The following MEGF10 variants were observed in gnomAD, a reference collection of about 807,000 sequenced individuals.
The protein encoded by MEGF10 is multiple EGF like domains 10, also known as multiple epidermal growth factor-like domains protein 10.
In MEGF10, 86 loss-of-function variants were observed where a neutral mutation model predicts 147.5. That is an observed-to-expected ratio of 0.58 (90% CI 0.49 to 0.70). MEGF10 has a LOEUF of 0.70. Ranked by LOEUF, MEGF10 falls within the 30% of genes least tolerant of loss-of-function variation. MEGF10 has a pLI of 0.00. For synonymous variants in MEGF10, 478 were observed against 525.5 expected (o/e 0.91, Z 1.24); for missense variants, 1,329 against 1,487.3 (o/e 0.89, Z 1.75).
intron 7 of MEGF10, among the ~76,000 whole-genome samples, chr5:127,400,473 T>G (rs1764083472): frequency 6.6e-6 from 1 of 152,240 alleles, no homozygotes; most frequent in South Asian, 2.1e-4. Context: ...CTTAGTTGTC[T>G]GAGGTAAAGA....
chr5:127,404,996 G>T, intron 8 of MEGF10, among the ~76,000 whole-genome samples: 1 of 152,086 alleles, frequency 6.6e-6, no homozygotes, highest in East Asian at 1.9e-4. Flanking sequence ...GATTACAGGC[G>T]TTGGAAACAC....
intron 9 of MEGF10, among the ~76,000 whole-genome samples, chr5:127,413,476 G>T (rs748863612): frequency 2.6e-5 from 4 of 152,134 alleles, no homozygotes; most frequent in Non-Finnish European, 5.9e-5. Context: ...GAAGTTCAAT[G>T]ACTCTGTTTC....
chr5:127,455,484 C>G lies in MEGF10; in HGVS notation c.3109C>G (p.Pro1037Ala), dbSNP rs759911660. The change falls in exon 24 of 25, where the codon CCT (proline) becomes GCT (alanine). Residue 1037 changes from proline to alanine, a missense_variant. This residue lies in a region of MEGF10 where 343 missense variants were observed against 377.9 expected (regional missense o/e 0.91). Coordinates refer to ENST00000503335, the MANE Select transcript of MEGF10 (RefSeq NM_001256545.2). The stretch of plus-strand genomic sequence containing the variant: ...CCCATATGCCACTATTAAAGACCCA[C>G]CTGTACTTATCCCGAAAAGCTCAGA... ...ENPYATIKDP[P>A]VLIPKSSECG... is the part of the protein sequence containing the mutation. 2.5e-6 allele frequency: 4 copies of G among 1,614,086 alleles called. No homozygotes were observed. The South Asian group carries it at 3.3e-5, about 13-fold the overall frequency.
rs192817098 is a variant in MEGF10, at chr5:127,457,615, G to A, written c.*297G>A. On this transcript the variant is annotated 3_prime_UTR_variant, in exon 25 of 25. Coordinates refer to ENST00000503335, the MANE Select transcript of MEGF10 (RefSeq NM_001256545.2). Reference sequence around the variant, plus strand: ...AAGCATGAACTTGCAGAACTCCCTCGGAGACGCAGGTTGCAGTGGACATTG... The same window carrying A: ...AAGCATGAACTTGCAGAACTCCCTCAGAGACGCAGGTTGCAGTGGACATTG... The A allele has an allele frequency of 3.5e-5, 12 of 343,164 alleles. No homozygotes were observed. The East Asian group carries it at 4.8e-4, about 14-fold the overall frequency. 21.3% of individuals were successfully genotyped at this position (343,164 alleles called of 1,614,324 possible).
rs140308005 is a variant in MEGF10, at chr5:127,360,624, G to T, written c.320-9286G>T. On this transcript the variant is annotated intron_variant, in intron 4 of 24. Coordinates refer to ENST00000503335, the MANE Select transcript of MEGF10 (RefSeq NM_001256545.2). Reference sequence around the variant, plus strand: ...TGTTAGTAGTAGGTTTTACATATTTGCCCTTTATCAGGTTGAGGAAACGCC... The same window carrying T: ...TGTTAGTAGTAGGTTTTACATATTTTCCCTTTATCAGGTTGAGGAAACGCC... 9.2e-5 allele frequency among the ~76,000 whole-genome samples: 14 copies of T among 151,874 alleles called. No homozygotes were observed. In the East Asian group the frequency reaches 2.7e-3, roughly 29 times the overall value.
chr5:127,366,689 T>G (rs897434677), intron 4 of MEGF10, among the ~76,000 whole-genome samples: 2 of 152,206 alleles, frequency 1.3e-5, no homozygotes, highest in Non-Finnish European at 2.9e-5. Flanking sequence ...ATTTTAAAAT[T>G]ACCATCACGG....
At chr5:127,312,964 G>A (rs1375740537) in intron 1 of MEGF10, among the ~76,000 whole-genome samples, 1 of 152,138 alleles carries the variant, frequency 6.6e-6, no homozygotes, top group East Asian at 1.9e-4. Context: ...TAAGGCAAAT[G>A]TCTTCATTAA....
chr5:127,410,316 A>G, intron 8 of MEGF10, 73 bp from the exon 9 acceptor site: 1 of 1,433,542 alleles, frequency 7.0e-7, no homozygotes, highest in Non-Finnish European at 9.7e-7. Flanking sequence ...TAACAAAGCC[A>G]TTCCAAATTA....
At chr5:127,438,597 AG>A in intron 17 of MEGF10, 30 bp downstream of exon 17, 1 of 1,610,408 alleles carries the variant, frequency 6.2e-7, no homozygotes, top group Non-Finnish European at 8.5e-7. Context: ...AGGCTCACCA[AG>A]GGGAGCCTTG....
At chr5:127,380,561 G>A (rs1460015743) in intron 5 of MEGF10, among the ~76,000 whole-genome samples, 1 of 149,260 alleles carries the variant, frequency 6.7e-6, no homozygotes, top group Non-Finnish European at 1.5e-5. Context: ...ATTGTCACCC[G>A]GGCTGGAGTG....
intron 5 of MEGF10, among the ~76,000 whole-genome samples, chr5:127,388,428 C>T (rs557684580): frequency 6.6e-6 from 1 of 152,188 alleles, no homozygotes; most frequent in Non-Finnish European, 1.5e-5. Flanking sequence ...GAATTACAAG[C>T]GTAAGCCACC....
At position 127,427,005 on chromosome 5, in the gene MEGF10, T is replaced by A. The variant is rs115551094; in HGVS notation, c.1693+4233T>A. 3.5e-3 allele frequency among the ~76,000 whole-genome samples: 527 copies of A among 152,368 alleles called. 3 individuals carry two copies. The highest frequency in any genetic ancestry group is 0.012 in the African/African-American group (512 of 41,588). On this transcript the variant is annotated intron_variant, in intron 13 of 24. Coordinates refer to ENST00000503335, the MANE Select transcript of MEGF10 (RefSeq NM_001256545.2). ...AGGAGGAGGAAGATTATGGAGCCTCTGCCCATCCAGAAAGCAACTTTGATA... is the reference window on the plus strand; with the variant it reads ...AGGAGGAGGAAGATTATGGAGCCTCAGCCCATCCAGAAAGCAACTTTGATA...
intron 4 of MEGF10, among the ~76,000 whole-genome samples, chr5:127,349,334 T>C (rs1472533061): frequency 1.3e-5 from 2 of 152,192 alleles, no homozygotes; most frequent in Non-Finnish European, 2.9e-5. Flanking sequence ...TTTCTTGATA[T>C]TTATTTTTAT....
At chr5:127,265,538 A>T in the MEGF10 span, among the ~76,000 whole-genome samples, 2 of 152,128 alleles carry the variant, frequency 1.3e-5, no homozygotes, top group African/African-American at 2.4e-5. Context: ...TCCCACCAAC[A>T]GTGTAAAAGT....
At position 127,443,050 on chromosome 5, in the gene MEGF10, G is replaced by T; in HGVS notation, c.2415G>T (p.Leu805=). ...GCTGTCGCCAGATATGTGATTGTCTGAACAACTCCACCTGCGACCACATCA... is the reference window on the plus strand; with the variant it reads ...GCTGTCGCCAGATATGTGATTGTCTTAACAACTCCACCTGCGACCACATCA... The part of the protein sequence containing the change: ...GYGCRQICDC[L]NNSTCDHITG... Residue 805 remains leucine, a synonymous_variant, in exon 19 of 25, where the codon CTG becomes CTT. Transcript: ENST00000503335. The T allele has an allele frequency of 1.9e-6, 3 of 1,613,794 alleles. No homozygotes were observed. The highest frequency in any genetic ancestry group is 2.5e-6 in the Non-Finnish European group (3 of 1,179,764).
the MEGF10 span, among the ~76,000 whole-genome samples, chr5:127,269,837 G>A: frequency 3.9e-5 from 6 of 152,324 alleles, no homozygotes; most frequent in East Asian, 1.9e-4. Flanking sequence ...CAGAGAGAAA[G>A]GTCGGGTACA....
chr5:127,259,333 A>G, the MEGF10 span, among the ~76,000 whole-genome samples: 1 of 152,140 alleles, frequency 6.6e-6, no homozygotes, highest in Non-Finnish European at 1.5e-5. Flanking sequence ...AACAGTCTCT[A>G]TTTTGAGCTT....
At position 127,435,425 on chromosome 5, in the gene MEGF10, C is replaced by T. The variant is rs1345310021; in HGVS notation, c.2040C>T (p.Thr680=). The change falls in exon 16 of 25, where the codon ACC becomes ACT. Residue 680 remains threonine (T), a synonymous_variant. Transcript: ENST00000503335. ...TTTGTACCTGCACCAACAACGGAAC[C>T]TGTAACCCCATTGACAGATCTTGTC... is the stretch of plus-strand genomic sequence containing the variant. The part of the protein sequence containing the change: ...AGICTCTNNG[T]CNPIDRSCQC... 1 of 1,614,130 alleles carries T rather than the reference C, an allele frequency of 6.2e-7. No individual in the cohort carries two copies. The highest frequency in any genetic ancestry group is 8.5e-7 in the Non-Finnish European group (1 of 1,180,006).
chr5:127,277,418 T>G, the MEGF10 span, among the ~76,000 whole-genome samples: 1 of 152,164 alleles, frequency 6.6e-6, no homozygotes, highest in Non-Finnish European at 1.5e-5. Flanking sequence ...AATTCTGCTT[T>G]CCTCACTTCC....
Sources: allele counts gnomAD v4.1 joint callset (sites outside exome capture counted in the v4.1 genomes callset), GRCh38; gene constraint gnomAD v4.1.1; regional missense constraint gnomAD v4.1.1; transcripts MANE v1.5; gene names NCBI Gene and HGNC (gene_info 2026-07-23, HGNC 2026-07-21).